KLRD1: variants seen among roughly 807,000 people sequenced by gnomAD.
The protein encoded by KLRD1 is natural killer cells antigen CD94.
Under a neutral mutation model 22.6 loss-of-function variants are expected in KLRD1, and 21 were observed. The ratio of observed to expected loss-of-function variants is 0.93; its 90% CI spans 0.66 to 1.34. The LOEUF (loss-of-function observed/expected upper bound fraction) is 1.34. Among genes scored for constraint, KLRD1 ranks in the 40% most tolerant of loss-of-function variants. KLRD1 has a pLI of 0.00. For missense variants in KLRD1, 183 were observed against 208.6 expected (o/e 0.88, Z 0.76); for synonymous variants, 59 against 71.1 (o/e 0.83, Z 0.85).
chr12:10,268,965 T>G (rs1359204755), intron 1 of KLRD1, among the ~76,000 whole-genome samples: 1 of 152,188 alleles, frequency 6.6e-6, no homozygotes. Context: ...GACTTTTGTT[T>G]TCTTTTTGTT....
At chr12:10,240,533 T>C (rs1165190008) in intron 1 of KLRD1, among the ~76,000 whole-genome samples, 1 of 152,102 alleles carries the variant, frequency 6.6e-6, no homozygotes, top group East Asian at 1.9e-4. Flanking sequence ...ATTTTTGTTA[T>C]GAAAAAATGT....
upstream of KLRD1, among the ~76,000 whole-genome samples, chr12:10,303,385 A>G (rs1949883334): frequency 6.6e-6 from 1 of 152,132 alleles, no homozygotes; most frequent in Non-Finnish European, 1.5e-5. Flanking sequence ...ACTGGGGTTT[A>G]TTGGAGGGGG....
chr12:10,273,960 T>G (rs141627585), intron 1 of KLRD1, among the ~76,000 whole-genome samples: 1 of 152,214 alleles, frequency 6.6e-6, no homozygotes, highest in African/African-American at 2.4e-5. Context: ...GAAAAACAAT[T>G]AAAAATTATC....
At position 10,317,001 on chromosome 12, in the gene KLRD1, T is replaced by A. The variant is rs772022613; in HGVS notation, c.*2208T>A. Reference sequence around the variant, plus strand: ...CCCTGTGTCCATGTGTTCTCATTGTTCAACTCCCACTTATTAGTAAGAACA... The same window carrying A: ...CCCTGTGTCCATGTGTTCTCATTGTACAACTCCCACTTATTAGTAAGAACA... On this transcript the variant is annotated 3_prime_UTR_variant, in exon 6 of 6. Coordinates refer to ENST00000336164, the MANE Select transcript of KLRD1 (RefSeq NM_002262.5). 1 of 151,830 alleles carries A rather than the reference T, an allele frequency of 6.6e-6. No individual in the cohort carries two copies. The highest frequency in any genetic ancestry group is 2.4e-5 in the African/African-American group (1 of 41,320). 9.4% of individuals were successfully genotyped at this position (151,830 alleles called of 1,614,324 possible). A position where few individuals can be genotyped will look rare whatever the true frequency, so the allele number is the denominator to read the frequency against.
At chr12:10,239,262 G>A (rs1045726172) in intron 1 of KLRD1, among the ~76,000 whole-genome samples, 2 of 152,168 alleles carry the variant, frequency 1.3e-5, no homozygotes, top group East Asian at 3.8e-4. Flanking sequence ...AAACAAACTT[G>A]TATAATTAAT....
chr12:10,278,890 ATGT>A (rs1396689302), intron 1 of KLRD1, among the ~76,000 whole-genome samples: 2 of 151,792 alleles, frequency 1.3e-5, no homozygotes, highest in African/African-American at 4.8e-5. Flanking sequence ...CTTAAAGGGA[ATGT>A]TAAATATGAT....
chr12:10,294,071 C>T (rs1949800869), intron 1 of KLRD1, among the ~76,000 whole-genome samples: 1 of 152,158 alleles, frequency 6.6e-6, no homozygotes, highest in East Asian at 1.9e-4. Flanking sequence ...ATGGTAAATT[C>T]AGAGATGGTG....
intron 1 of KLRD1, among the ~76,000 whole-genome samples, chr12:10,259,170 T>C (rs1949425765): frequency 6.6e-6 from 1 of 152,218 alleles, no homozygotes; most frequent in Non-Finnish European, 1.5e-5. Context: ...TAGTTCTGGC[T>C]AGAATGCCCA....
chr12:10,314,800 C>T lies in KLRD1; in HGVS notation c.*7C>T, dbSNP rs757631900. The T allele has an allele frequency of 6.2e-7, 1 of 1,602,264 alleles. No homozygotes were observed. The highest frequency in any genetic ancestry group is 8.5e-7 in the Non-Finnish European group (1 of 1,176,692). ...TAAGCAACAGCTCATTTAAATGTTT[C>T]TTGGGGCAGAGAAGGTGGAGAGTAA... On this transcript the variant is annotated 3_prime_UTR_variant, in exon 6 of 6. Coordinates refer to ENST00000336164, the MANE Select transcript of KLRD1 (RefSeq NM_002262.5).
At position 10,293,167 on chromosome 12, in the gene KLRD1, T is replaced by TATATATATATATATATATATACACACAC. The variant is rs1949791498; in HGVS notation, c.-100-14810_-100-14809insTATATATATATATATATATACACACACA. Among the ~76,000 whole-genome samples the TATATATATATATATATATATACACACAC allele has an allele frequency of 6.5e-3, 30 of 4,622 alleles. 3 individuals carry two copies. The highest frequency in any genetic ancestry group is 6.5e-3 in the African/African-American group (28 of 4,312). The allele number at this position is 4,622 out of a possible 152,430, so 3.0% of individuals were successfully genotyped here. A position where few individuals can be genotyped will look rare whatever the true frequency, so the allele number is the denominator to read the frequency against. ...CAGTAAAACTTTCTCCATATATATA[T>TATATATATATATATATATATACACACAC]ACACATATACACATAATTCGCATGC... On this transcript the variant is annotated intron_variant, in intron 1 of 5. Transcript: ENST00000544747.
At chr12:10,270,638 A>C (rs1268080744) in intron 1 of KLRD1, among the ~76,000 whole-genome samples, 1 of 152,170 alleles carries the variant, frequency 6.6e-6, no homozygotes, top group Non-Finnish European at 1.5e-5. Context: ...TTGCAGATTT[A>C]GGTGCATCCT....
In KLRD1 at chr12:10,322,352, G is replaced by C. The variant is rs1459929137; in HGVS notation, c.*7559G>C. 3.3e-5 allele frequency: 5 copies of C among 152,214 alleles called. No individual in the cohort carries two copies. The highest frequency in any genetic ancestry group is 9.6e-5 in the African/African-American group (4 of 41,458). 9.4% of individuals were successfully genotyped at this position (152,214 alleles called of 1,614,324 possible). On this transcript the variant is annotated 3_prime_UTR_variant, in exon 6 of 6. Coordinates refer to ENST00000336164, the MANE Select transcript of KLRD1 (RefSeq NM_002262.5). ...ATGAGCCATTGTGTCTGGCCAAATA[G>C]AGGACATTTTAGAGCCCAATAGTAA... is the stretch of plus-strand genomic sequence containing the variant.
chr12:10,293,020 TC>T (rs2137668714), intron 1 of KLRD1, among the ~76,000 whole-genome samples: 1 of 149,388 alleles, frequency 6.7e-6, no homozygotes, highest in African/African-American at 2.4e-5. Flanking sequence ...TCTGCTAGTT[TC>T]CAATTTTTTT....
At chr12:10,309,936 A>G (rs1470333337) in intron 3 of KLRD1, among the ~76,000 whole-genome samples, 1 of 152,236 alleles carries the variant, frequency 6.6e-6, no homozygotes, top group Non-Finnish European at 1.5e-5. Context: ...TGTTTCCTAT[A>G]TGAGTGCTCA....
chr12:10,302,456 G>A (rs7308601), upstream of KLRD1, among the ~76,000 whole-genome samples: 2,591 of 152,260 alleles, frequency 0.017, 71 homozygotes, highest in African/African-American at 0.058. Flanking sequence ...CTTCCTGGCC[G>A]TTGCACAGAC....
intron 1 of KLRD1, among the ~76,000 whole-genome samples, chr12:10,239,430 T>TTCCG (rs1262018347): frequency 3.0e-5 from 1 of 33,474 alleles, no homozygotes; most frequent in African/African-American, 1.3e-4. Flanking sequence ...CCATCCTTCC[T>TTCCG]TCCTTTCCTT....
Position 10,321,883 on chromosome 12 carries a change from A to C in KLRD1, c.*7090A>C. 6.6e-6 allele frequency: 1 copy of C among 152,216 alleles called. No individual in the cohort carries two copies. The highest frequency in any genetic ancestry group is 2.1e-4 in the South Asian group (1 of 4,832). 9.4% of individuals were successfully genotyped at this position (152,216 alleles called of 1,614,324 possible). ...CATTTTTACTGCAACCTCATGAGGGATCCTGAGCTAGAACCACCTAGCACA... is the reference window on the plus strand; with the variant it reads ...CATTTTTACTGCAACCTCATGAGGGCTCCTGAGCTAGAACCACCTAGCACA... On this transcript the variant is annotated 3_prime_UTR_variant, in exon 6 of 6. Coordinates refer to ENST00000336164, the MANE Select transcript of KLRD1 (RefSeq NM_002262.5).
intron 1 of KLRD1, among the ~76,000 whole-genome samples, chr12:10,282,826 G>A (rs538047119): frequency 6.4e-4 from 97 of 152,276 alleles, no homozygotes; most frequent in Middle Eastern, 3.4e-3. Context: ...GCAAGGAACT[G>A]TTCAAATAGT....
rs199559804 is a variant in KLRD1 at position 10,286,365 on chromosome 12, G to GT, written c.-100-21611dup. Among the ~76,000 whole-genome samples, 883 of 152,270 alleles carry GT rather than the reference G, an allele frequency of 5.8e-3. 8 individuals carry two copies. The highest frequency in any genetic ancestry group is 0.021 in the African/African-American group (853 of 41,538). ...TAATGGTTTTGAGCACTAATTAGGT[G>GT]TTAAATACCCTATATGTTTATACAT... On this transcript the variant is annotated intron_variant, in intron 1 of 5. Coordinates refer to the KLRD1 transcript ENST00000544747.
Sources: allele counts gnomAD v4.1 joint callset (sites outside exome capture counted in the v4.1 genomes callset), GRCh38; gene constraint gnomAD v4.1.1; transcripts MANE v1.5; gene names NCBI Gene and HGNC (gene_info 2026-07-23, HGNC 2026-07-21).